The following CEP85L variants were observed in gnomAD, a reference collection of about 807,000 sequenced individuals.
The protein encoded by CEP85L is centrosomal protein of 85 kDa-like.
A neutral mutation model predicts 100.3 loss-of-function variants in CEP85L; 60 were observed. That is an observed-to-expected ratio of 0.60 (90% CI 0.49 to 0.74). The LOEUF (loss-of-function observed/expected upper bound fraction) is 0.74, where lower values mean the gene tolerates loss of function less well. Ranked by LOEUF, CEP85L falls within the 30% of genes least tolerant of loss-of-function variation. The probability of loss-of-function intolerance (pLI) is 0.00; values close to 1 mark genes in which losing one functional copy is unlikely to be tolerated. For synonymous variants in CEP85L, 319 were observed against 322.7 expected, an observed-to-expected ratio of 0.99 and a Z score of 0.12; for missense variants, 973 against 936.2, an observed-to-expected ratio of 1.04 and a Z score of -0.51.
intron 1 of CEP85L, among the ~76,000 whole-genome samples, chr6:118,648,297 C>T (rs1375222248): frequency 6.6e-6 from 1 of 152,102 alleles, no homozygotes; most frequent in Non-Finnish European, 1.5e-5. Flanking sequence ...TGGTTTATAA[C>T]AGTTACTCCA....
At chr6:118,595,224 C>T (rs1334098397) in intron 2 of CEP85L, among the ~76,000 whole-genome samples, 2 of 152,170 alleles carry the variant, frequency 1.3e-5, no homozygotes, top group Non-Finnish European at 2.9e-5. Flanking sequence ...CACTGGGGAT[C>T]AGCTATGTAC....
At chr6:118,557,479 G>A (rs1158301243) in intron 3 of CEP85L, among the ~76,000 whole-genome samples, 1 of 152,182 alleles carries the variant, frequency 6.6e-6, no homozygotes, top group African/African-American at 2.4e-5. Context: ...TGTGGGGCTT[G>A]CATATTCTCC....
At chr6:118,586,253 T>C (rs1018418928) in intron 2 of CEP85L, among the ~76,000 whole-genome samples, 3 of 152,198 alleles carry the variant, frequency 2.0e-5, no homozygotes, top group East Asian at 3.8e-4. Context: ...AGATACCCCT[T>C]GAAAATTAGG....
intron 3 of CEP85L, among the ~76,000 whole-genome samples, chr6:118,527,119 A>C (rs1213874052): frequency 6.8e-6 from 1 of 146,420 alleles, no homozygotes; most frequent in Non-Finnish European, 1.5e-5. Context: ...GGTTCAAGCG[A>C]TTCTCCTGCC....
At chr6:118,651,114 G>T in intron 1 of CEP85L, 83 bp downstream of exon 1, 1 of 1,426,316 alleles carries the variant, frequency 7.0e-7, no homozygotes, top group Non-Finnish European at 9.1e-7. Flanking sequence ...GGCCTGAGGC[G>T]GGAGGGGAGC....
intron 7 of CEP85L, 38 bp downstream of exon 7, chr6:118,483,668 T>C (rs201916440): frequency 2.0e-4 from 314 of 1,575,456 alleles, no homozygotes; most frequent in Non-Finnish European, 2.5e-4. Context: ...TAACATGTTT[T>C]CATGTCATTT....
At chr6:118,657,790 C>T (rs1299179574) in intron 1 of CEP85L, among the ~76,000 whole-genome samples, 1 of 152,196 alleles carries the variant, frequency 6.6e-6, no homozygotes, top group Non-Finnish European at 1.5e-5. Flanking sequence ...AAATTACAAA[C>T]TTGTGAAACT....
intron 1 of CEP85L, among the ~76,000 whole-genome samples, chr6:118,647,676 A>T (rs189735919): frequency 8.7e-4 from 133 of 152,208 alleles, no homozygotes; most frequent in Non-Finnish European, 1.7e-3. Flanking sequence ...TTAGTATTTT[A>T]AAAAAATTAT....
intron 2 of CEP85L, among the ~76,000 whole-genome samples, chr6:118,598,742 GTTGT>G (rs1781577662): frequency 6.6e-6 from 1 of 152,158 alleles, no homozygotes; most frequent in South Asian, 2.1e-4. Flanking sequence ...AAATATTTTT[GTTGT>G]TTAAGTCCTC....
At chr6:118,555,807 C>T (rs1216402454) in intron 3 of CEP85L, among the ~76,000 whole-genome samples, 1 of 151,216 alleles carries the variant, frequency 6.6e-6, no homozygotes, top group Non-Finnish European at 1.5e-5. Flanking sequence ...CTCCCATCCT[C>T]CCCGCTCAAG....
At position 118,479,452 on chromosome 6, in the gene CEP85L, T is replaced by G. The variant is rs915779687; in HGVS notation, c.1914+419A>C. Among the ~76,000 whole-genome samples, 5 of 152,280 alleles carry G rather than the reference T, an allele frequency of 3.3e-5. No individual in the cohort carries two copies. In the South Asian group the frequency reaches 6.2e-4, roughly 19 times the overall value. ...CCCTTTGCTTGGAATGCTCTTCCCC[T>G]GGATGTCTTCGTTCAGATCCCTGTT... On this transcript the variant is annotated intron_variant, in intron 10 of 12. Coordinates refer to ENST00000368491, the MANE Select transcript of CEP85L (RefSeq NM_001042475.3).
chr6:118,648,996 A>G (rs1775378578), intron 1 of CEP85L, among the ~76,000 whole-genome samples: 1 of 151,658 alleles, frequency 6.6e-6, no homozygotes, highest in Non-Finnish European at 1.5e-5. Context: ...TATTTCAAAA[A>G]TAAAAATTTC....
chr6:118,505,230 CAGG>C (rs1775568459), intron 5 of CEP85L, among the ~76,000 whole-genome samples: 1 of 151,792 alleles, frequency 6.6e-6, no homozygotes, highest in Non-Finnish European at 1.5e-5. Context: ...ATCATGAAGT[CAGG>C]AGTTCAAGAC....
At chr6:118,613,080 G>A (rs562555335) in intron 2 of CEP85L, among the ~76,000 whole-genome samples, 19 of 151,964 alleles carry the variant, frequency 1.3e-4, no homozygotes, top group African/African-American at 3.9e-4. Flanking sequence ...AGCCAGGAGT[G>A]GTGGGCCTGT....
In CEP85L at chr6:118,483,556, G is replaced by T. The variant is rs551423996; in HGVS notation, c.1590+150C>A. The stretch of plus-strand genomic sequence containing the variant: ...TAACTGACAAGAAAGATCTACTTAT[G>T]CATGCTTAGATAAACAAAGTTTCTT... On this transcript the variant is annotated intron_variant, in intron 7 of 12. Transcript: ENST00000368491. 9 of 642,126 alleles carry T rather than the reference G, an allele frequency of 1.4e-5. No individual in the cohort carries two copies. In the African/African-American group the frequency reaches 1.5e-4, roughly 10 times the overall value. The allele number at this position is 642,126 out of a possible 1,614,324, so 39.8% of individuals were successfully genotyped here.
Position 118,558,626 on chromosome 6 carries a change from T to TACACAC in CEP85L, c.1020+6897_1020+6902dup, listed in dbSNP as rs371775061. On this transcript the variant is annotated intron_variant, in intron 3 of 12. Transcript: ENST00000368491. The stretch of plus-strand genomic sequence containing the variant: ...ACAGACACATAGAAACACGTGCACA[T>TACACAC]ACACACACACACACACACACACACA... 0.16 allele frequency among the ~76,000 whole-genome samples: 18,014 copies of TACACAC among 110,868 alleles called. 1,584 individuals are homozygous for TACACAC. Among genetic ancestry groups the TACACAC allele is most frequent in the Non-Finnish European group, 0.23 (12,005 of 52,474 alleles). 72.7% of individuals were successfully genotyped at this position (110,868 alleles called of 152,430 possible). A position where few individuals can be genotyped will look rare whatever the true frequency, so the allele number is the denominator to read the frequency against.
chr6:118,567,623 G>A (rs1175285123), intron 2 of CEP85L, among the ~76,000 whole-genome samples: 1 of 152,130 alleles, frequency 6.6e-6, no homozygotes, highest in Non-Finnish European at 1.5e-5. Context: ...TGGGGAGGAA[G>A]TAAGCGATGG....
At chr6:118,502,489 T>TG in intron 5 of CEP85L, 1 of 521,434 alleles carries the variant, frequency 1.9e-6, no homozygotes, top group Non-Finnish European at 3.7e-6. Context: ...GCAAAACAAA[T>TG]GGAGATTACA....
chr6:118,483,902 A>G (rs763159219), intron 6 of CEP85L, 44 bp from the exon 7 acceptor site: 1 of 1,572,070 alleles, frequency 6.4e-7, no homozygotes, highest in Non-Finnish European at 8.7e-7. Flanking sequence ...TTCAGTCATT[A>G]AAAGATATAA....
Sources: gnomAD v4.1 joint callset for allele counts (sites outside exome capture counted in the v4.1 genomes callset) on GRCh38, gnomAD v4.1.1 for gene constraint, MANE v1.5 for transcripts, NCBI Gene and HGNC (gene_info 2026-07-23, HGNC 2026-07-21) for gene names.